The following FGF13 variants were observed in gnomAD, a reference collection of about 807,000 sequenced individuals.
FGF13 encodes the protein fibroblast growth factor homologous factor 2.
A neutral mutation model predicts 19.5 loss-of-function variants in FGF13; 2 were observed. The ratio of observed to expected loss-of-function variants is 0.10; its 90% CI spans 0.04 to 0.32. The LOEUF is 0.32. Ranked by LOEUF, FGF13 falls within the 10% of genes least tolerant of loss-of-function variation. FGF13 has a pLI of 1.00. For synonymous variants in FGF13, 72 were observed against 76.9 expected (o/e 0.94, Z 0.33); for missense variants, 113 against 192.7 (o/e 0.59, Z 2.45).
At chrX:139,179,521 C>T (rs1333437302) in intron 1 of FGF13, among the ~76,000 whole-genome samples, 1 of 109,272 alleles carries the variant, frequency 9.2e-6, no homozygotes, top group Non-Finnish European at 1.9e-5. Context: ...GCAGTATGAG[C>T]GTAGAGAAAT....
At chrX:138,850,322 C>T (rs2124126160) in intron 3 of FGF13, among the ~76,000 whole-genome samples, 1 of 111,351 alleles carries the variant, frequency 9.0e-6, no homozygotes, top group Non-Finnish European at 1.9e-5. Flanking sequence ...CAAAATATGA[C>T]TTCATTTTGT....
chrX:138,984,841 T>TGTGTGTG (rs1569436376), intron 1 of FGF13, among the ~76,000 whole-genome samples: 2 of 109,874 alleles, frequency 1.8e-5, no homozygotes, highest in Non-Finnish European at 3.8e-5. Context: ...TGTGTGTGTG[T>TGTGTGTG]TTTAATTTTT....
intron 3 of FGF13, among the ~76,000 whole-genome samples, chrX:138,638,995 G>A (rs1157338706): frequency 9.0e-6 from 1 of 111,198 alleles, no homozygotes; most frequent in Non-Finnish European, 1.9e-5. Flanking sequence ...AGAAAAATGA[G>A]GCCAAAAAAA....
At chrX:139,034,265 T>C (rs1270668055) in intron 1 of FGF13, among the ~76,000 whole-genome samples, 1 of 111,002 alleles carries the variant, frequency 9.0e-6, no homozygotes, top group Non-Finnish European at 1.9e-5. Flanking sequence ...AGTGGCTTAA[T>C]AGGAAAAGTA....
At chrX:138,645,354 C>T (rs2089295362) in intron 3 of FGF13, among the ~76,000 whole-genome samples, 1 of 112,074 alleles carries the variant, frequency 8.9e-6, no homozygotes, top group Non-Finnish European at 1.9e-5. Flanking sequence ...AATGCCAACT[C>T]CCTTCTAAAT....
chrX:138,973,628 T>C, intron 1 of FGF13, among the ~76,000 whole-genome samples: 1 of 111,931 alleles, frequency 8.9e-6, no homozygotes, highest in Non-Finnish European at 1.9e-5. Flanking sequence ...CAGTCTATCT[T>C]CCCTTTTAGG....
chrX:138,651,193 C>T (rs1458332426), intron 3 of FGF13, among the ~76,000 whole-genome samples: 1 of 111,649 alleles, frequency 9.0e-6, no homozygotes, highest in Non-Finnish European at 1.9e-5. Context: ...AGGGACTTCA[C>T]TAATTTTCTA....
At chrX:138,754,103 G>T (rs1299675297) in intron 3 of FGF13, among the ~76,000 whole-genome samples, 1 of 111,990 alleles carries the variant, frequency 8.9e-6, no homozygotes, top group Non-Finnish European at 1.9e-5. Context: ...CTAATACACA[G>T]TCTTAACTGG....
chrX:138,892,103 G>T (rs1444541312), intron 1 of FGF13, among the ~76,000 whole-genome samples: 1 of 110,066 alleles, frequency 9.1e-6, no homozygotes, highest in Non-Finnish European at 1.9e-5. Context: ...GGAAATAAGA[G>T]TTGATGTCCA....
At chrX:138,984,566 GAAGAAGAAGAAGAAGAAGAAGAA>G (rs2091981333) in intron 1 of FGF13, among the ~76,000 whole-genome samples, 4 of 48,070 alleles carry the variant, frequency 8.3e-5, no homozygotes, top group African/African-American at 3.1e-4. Flanking sequence ...AGAAGAAGAA[GAAGAAGAAGAAGAAGAAGAAGAA>G]GGAGGAGGAG....
At chrX:138,737,373 C>T (rs1305857117) in intron 1 of FGF13, among the ~76,000 whole-genome samples, 1 of 111,831 alleles carries the variant, frequency 8.9e-6, no homozygotes, top group Non-Finnish European at 1.9e-5. Context: ...CATTGTTCTA[C>T]CATGAACTCA....
chrX:138,877,614 C>T (rs1185846428), intron 1 of FGF13, among the ~76,000 whole-genome samples: 1 of 111,878 alleles, frequency 8.9e-6, no homozygotes, highest in Non-Finnish European at 1.9e-5. Context: ...TCCCCCAGCC[C>T]CTAGTAGCAT....
intron 3 of FGF13, among the ~76,000 whole-genome samples, chrX:138,848,849 T>C (rs1236444386): frequency 9.1e-6 from 1 of 110,219 alleles, no homozygotes; most frequent in African/African-American, 3.4e-5. Flanking sequence ...CTGTGAACTA[T>C]GTTACTTAAT....
intron 3 of FGF13, among the ~76,000 whole-genome samples, chrX:138,699,293 C>A (rs1008670935): frequency 1.8e-5 from 2 of 111,831 alleles, no homozygotes; most frequent in African/African-American, 6.5e-5. Flanking sequence ...CATCACCCTT[C>A]CATCTCTTCT....
chrX:138,735,339 G>C (rs928826893), intron 1 of FGF13, among the ~76,000 whole-genome samples: 11 of 111,772 alleles, frequency 9.8e-5, no homozygotes, highest in African/African-American at 3.6e-4. Flanking sequence ...CACCTACTCT[G>C]TTGTACAAGG....
At chrX:138,981,994 T>TA (rs777943111) in intron 1 of FGF13, among the ~76,000 whole-genome samples, 346 of 111,678 alleles carry the variant, frequency 3.1e-3, no homozygotes, top group African/African-American at 8.8e-3. Context: ...TGTTAAATAC[T>TA]ATTGCTGTGT....
intron 1 of FGF13, among the ~76,000 whole-genome samples, chrX:139,130,362 G>A (rs1458171163): frequency 5.4e-5 from 6 of 112,052 alleles, no homozygotes; most frequent in African/African-American, 1.9e-4. Context: ...TTAAATTAAT[G>A]CCAAAGTATT....
intron 1 of FGF13, among the ~76,000 whole-genome samples, chrX:139,087,631 A>G (rs868784930): frequency 9.0e-6 from 1 of 111,456 alleles, no homozygotes; most frequent in Non-Finnish European, 1.9e-5. Flanking sequence ...TTCAGTTGTG[A>G]GAAGCAGGTG....
At chrX:139,164,854 T>C (rs1490782057) in intron 1 of FGF13, among the ~76,000 whole-genome samples, 4 of 110,756 alleles carry the variant, frequency 3.6e-5, no homozygotes, top group Non-Finnish European at 7.5e-5. Context: ...AACTACTTAA[T>C]ATTATTTTCT....
Sources: allele counts gnomAD v4.1 joint callset (sites outside exome capture counted in the v4.1 genomes callset), GRCh38; gene constraint gnomAD v4.1.1; transcripts MANE v1.5; gene names NCBI Gene and HGNC (gene_info 2026-07-23, HGNC 2026-07-21).